GPHN: variants seen among roughly 807,000 people sequenced by gnomAD.
GPHN encodes gephyrin.
GPHN carries 17 observed loss-of-function variants against 95.5 expected under a neutral mutation model. The ratio of observed to expected loss-of-function variants is 0.18; its 90% CI spans 0.12 to 0.27. The LOEUF (loss-of-function observed/expected upper bound fraction) is 0.27. GPHN is among the 10% of genes least tolerant of loss of function. The pLI is 1.00. For synonymous variants in GPHN, 320 were observed against 322.5 expected, an observed-to-expected ratio of 0.99 and a Z score of 0.08; for missense variants, 660 against 978.1, an observed-to-expected ratio of 0.67 and a Z score of 4.34.
At chr14:66,736,092 A>G (rs1451083891) in intron 2 of GPHN, among the ~76,000 whole-genome samples, 1 of 152,236 alleles carries the variant, frequency 6.6e-6, no homozygotes, top group African/African-American at 2.4e-5. Context: ...ATGGAGTGAC[A>G]AAGGAACAAA....
At chr14:66,822,370 T>C (rs1336473642) in intron 3 of GPHN, among the ~76,000 whole-genome samples, 1 of 152,244 alleles carries the variant, frequency 6.6e-6, no homozygotes, top group Non-Finnish European at 1.5e-5. Context: ...GGCTACATTT[T>C]AGAATTACCT....
chr14:66,607,259 G>A (rs928934321), intron 1 of GPHN, among the ~76,000 whole-genome samples: 88 of 152,018 alleles, frequency 5.8e-4, no homozygotes, highest in African/African-American at 2.1e-3. Context: ...TTCTGTTTAT[G>A]TGGTGAATCA....
chr14:67,462,898 G>A, the GPHN span, among the ~76,000 whole-genome samples: 47 of 152,346 alleles, frequency 3.1e-4, no homozygotes, highest in Admixed American at 5.9e-4. Flanking sequence ...AATGGGAAAG[G>A]GGTCATTCTG....
chr14:67,675,282 A>T, the GPHN span, among the ~76,000 whole-genome samples: 1 of 151,814 alleles, frequency 6.6e-6, no homozygotes, highest in Non-Finnish European at 1.5e-5. Flanking sequence ...CCGAGGTGGG[A>T]GGATTGCTTG....
the GPHN span, among the ~76,000 whole-genome samples, chr14:67,214,109 A>G: frequency 1.3e-4 from 20 of 152,220 alleles, no homozygotes; most frequent in South Asian, 1.2e-3. Context: ...CTCCCATTTT[A>G]TAGGTTGGCT....
chr14:67,053,957 A>T (rs986740044), intron 10 of GPHN, among the ~76,000 whole-genome samples: 4 of 152,176 alleles, frequency 2.6e-5, no homozygotes, highest in Non-Finnish European at 5.9e-5. Context: ...TTGTTGGAAC[A>T]TACCTCAAAA....
chr14:66,514,815 T>G (rs762555684), intron 1 of GPHN, among the ~76,000 whole-genome samples: 1 of 152,072 alleles, frequency 6.6e-6, no homozygotes, highest in Admixed American at 6.5e-5. Flanking sequence ...TTCAATGATG[T>G]CTTTCTTTGT....
chr14:66,606,392 T>C (rs1595199121), intron 1 of GPHN, among the ~76,000 whole-genome samples: 1 of 152,318 alleles, frequency 6.6e-6, no homozygotes, highest in East Asian at 1.9e-4. Context: ...TTGGTTACTA[T>C]AGCCTTATAG....
At chr14:67,178,180 AT>A (rs994799484) in intron 21 of GPHN, among the ~76,000 whole-genome samples, 14 of 152,114 alleles carry the variant, frequency 9.2e-5, no homozygotes, top group African/African-American at 3.4e-4. Flanking sequence ...AATTTGGCAT[AT>A]TTTTGCAGTG....
the GPHN span, among the ~76,000 whole-genome samples, chr14:67,323,265 A>G: frequency 0.064 from 8,490 of 131,878 alleles, 540 homozygotes; most frequent in African/African-American, 0.19. Flanking sequence ...GTGTGTGTAT[A>G]TATATATATG....
intron 4 of GPHN, among the ~76,000 whole-genome samples, chr14:66,848,223 G>A (rs1028787913): frequency 4.6e-5 from 7 of 151,978 alleles, no homozygotes; most frequent in Non-Finnish European, 7.4e-5. Context: ...TTCCTCAGAT[G>A]TTCAGGAATC....
the GPHN span, chr14:67,573,128 A>C: frequency 3.3e-6 from 2 of 600,200 alleles, no homozygotes; most frequent in East Asian, 2.9e-5. This position sits in a 1 kb window ranked among gnomAD's most constrained non-coding sequence, Gnocchi z 4.8. Context: ...AGGGCATGGT[A>C]CTCTGAAAAT....
chr14:67,631,434 CTTTTTTTTTTT>C, the GPHN span, among the ~76,000 whole-genome samples: 1 of 113,162 alleles, frequency 8.8e-6, no homozygotes, highest in African/African-American at 3.8e-5. Context: ...TTCTTTCTTT[CTTTTTTTTTTT>C]TTTTTTTTGA....
chr14:66,705,883 T>C (rs2153418228), intron 2 of GPHN, among the ~76,000 whole-genome samples: 1 of 152,344 alleles, frequency 6.6e-6, no homozygotes, highest in Non-Finnish European at 1.5e-5. Flanking sequence ...TGTCTCTGTT[T>C]GCAGACAATA....
At chr14:67,124,304 G>T (rs563442584) in intron 17 of GPHN, among the ~76,000 whole-genome samples, 39 of 152,234 alleles carry the variant, frequency 2.6e-4, no homozygotes, top group Middle Eastern at 3.4e-3. Flanking sequence ...TACTCGGGAG[G>T]CTAACACAGG....
chr14:66,629,732 A>G (rs1477191638), intron 1 of GPHN, among the ~76,000 whole-genome samples: 3 of 152,182 alleles, frequency 2.0e-5, no homozygotes, highest in Admixed American at 2.0e-4. Context: ...TATGATGGCT[A>G]TGACATCACT....
chr14:67,195,648 T>C, the GPHN span, among the ~76,000 whole-genome samples: 1 of 152,150 alleles, frequency 6.6e-6, no homozygotes, highest in Non-Finnish European at 1.5e-5. Context: ...GATATATTAT[T>C]ATTTTATGTG....
At chr14:66,734,796 C>T (rs1177993315) in intron 2 of GPHN, among the ~76,000 whole-genome samples, 3 of 152,094 alleles carry the variant, frequency 2.0e-5, no homozygotes, top group Non-Finnish European at 4.4e-5. Flanking sequence ...TCCGTATTCA[C>T]TCAGTAAGTG....
At chr14:67,018,361 G>A (rs1262346111) in intron 9 of GPHN, among the ~76,000 whole-genome samples, 2 of 151,974 alleles carry the variant, frequency 1.3e-5, no homozygotes, top group Admixed American at 1.3e-4. Context: ...AGGAACTTGG[G>A]AATTTTTTTT....
Sources: allele counts gnomAD v4.1 joint callset (sites outside exome capture counted in the v4.1 genomes callset), GRCh38; gene constraint gnomAD v4.1.1; non-coding constraint Gnocchi (gnomAD v3.1); transcripts MANE v1.5; gene names NCBI Gene and HGNC (gene_info 2026-07-23, HGNC 2026-07-21).